Variants in MET observed in about 807,000 individuals in gnomAD.
MET encodes the protein MET proto-oncogene, receptor tyrosine kinase, also known as hepatocyte growth factor receptor.
A neutral mutation model predicts 133.1 loss-of-function variants in MET; 48 were observed. The ratio of observed to expected loss-of-function variants is 0.36; its 90% CI spans 0.29 to 0.46. The LOEUF (loss-of-function observed/expected upper bound fraction) is 0.46. MET is among the 20% of genes least tolerant of loss of function. MET has a pLI of 1.00. For synonymous variants in MET, 628 were observed against 616.5 expected (o/e 1.02, Z -0.28); for missense variants, 1,442 against 1,695.9 (o/e 0.85, Z 2.63).
intron 2 of MET, among the ~76,000 whole-genome samples, chr7:116,720,394 A>G (rs1373410581): frequency 1.7e-4 from 24 of 143,988 alleles, no homozygotes; most frequent in Non-Finnish European, 3.1e-4. Flanking sequence ...GGCTGAGACA[A>G]TGGGGTTTTC....
intron 1 of MET, among the ~76,000 whole-genome samples, chr7:116,674,875 G>A (rs995108743): frequency 4.6e-5 from 7 of 152,216 alleles, no homozygotes; most frequent in South Asian, 4.2e-4. Flanking sequence ...TTTCTTTTCC[G>A]TGGTCTAAAT....
At chr7:116,760,602 A>C (rs1214706525) in intron 10 of MET, among the ~76,000 whole-genome samples, 1 of 152,188 alleles carries the variant, frequency 6.6e-6, no homozygotes, top group Non-Finnish European at 1.5e-5. Context: ...GAATTACAGC[A>C]CTTCCTTTTA....
At chr7:116,695,735 C>A (rs752977785) in intron 1 of MET, 9 of 481,780 alleles carry the variant, frequency 1.9e-5, no homozygotes, top group Middle Eastern at 3.1e-4. Flanking sequence ...GATAATAATA[C>A]TTCCTTCTTC....
In MET at chr7:116,757,462, A is replaced by G. The variant is rs1794220984; in HGVS notation, c.1888A>G (p.Met630Val). The G allele has an allele frequency of 6.2e-7, 1 of 1,613,546 alleles. No homozygotes were observed. Among genetic ancestry groups the G allele is most frequent in the Non-Finnish European group, 8.5e-7 (1 of 1,179,898 alleles). Residue 630 changes from methionine (M) to valine (V), a missense_variant, in exon 7 of 21, where the codon ATG becomes GTG. Around this residue, in one of 6 missense-constraint regions of MET, gnomAD observed 762 missense variants for 792.4 expected, o/e 0.96. Transcript: ENST00000397752. ...ATTGAAATGCACAGTTGGTCCTGCC[A>G]TGAATAAGCATTTCAATATGTCCAT... ...NTLKCTVGPA[M>V]NKHFNMSIII... is the part of the protein sequence containing the mutation.
At chr7:116,720,668 C>A (rs1359341222) in intron 2 of MET, among the ~76,000 whole-genome samples, 5 of 135,160 alleles carry the variant, frequency 3.7e-5, no homozygotes, top group Non-Finnish European at 6.3e-5. Flanking sequence ...CCATCAATAC[C>A]TAATTTATTG....
rs757919874 is a variant in MET at position 116,758,439 on chromosome 7, C to T, written c.2103-20C>T. The stretch of plus-strand genomic sequence containing the variant: ...TATCTCTAATAGCTAAAATTCACTT[C>T]CTTAATTTTTTTTGTTCAGTGTGTC... On this transcript the variant is annotated intron_variant, in intron 8 of 20. Coordinates refer to ENST00000397752, the MANE Select transcript of MET (RefSeq NM_000245.4). 6.2e-7 allele frequency: 1 copy of T among 1,609,548 alleles called. No homozygotes were observed. Among genetic ancestry groups the T allele is most frequent in the Admixed American group, 1.7e-5 (1 of 59,944 alleles).
chr7:116,712,951 A>T (rs1373369191), intron 2 of MET, among the ~76,000 whole-genome samples: 1 of 152,158 alleles, frequency 6.6e-6, no homozygotes, highest in Non-Finnish European at 1.5e-5. Flanking sequence ...GGGTGATACC[A>T]TCTGTAAGAG....
chr7:116,775,137 T>C (rs2117032673), intron 15 of MET, 26 bp downstream of exon 15: 1 of 1,608,350 alleles, frequency 6.2e-7, no homozygotes, highest in Non-Finnish European at 8.5e-7. Flanking sequence ...CAGCTTTTTG[T>C]TAAATACGAT....
At chr7:116,742,173 C>T (rs1793483611) in intron 5 of MET, among the ~76,000 whole-genome samples, 1 of 152,116 alleles carries the variant, frequency 6.6e-6, no homozygotes, top group Non-Finnish European at 1.5e-5. Context: ...CAAGAACCAC[C>T]CCCAAGTGCA....
chr7:116,764,486 C>T (rs1054359147), intron 11 of MET, among the ~76,000 whole-genome samples: 8 of 151,800 alleles, frequency 5.3e-5, no homozygotes, highest in Admixed American at 5.2e-4. Context: ...TTGATGATAA[C>T]AAAGGTTTAT....
In MET at chr7:116,746,769, G is replaced by A. The variant is rs546594890; in HGVS notation, c.1701+5744G>A. Among the ~76,000 whole-genome samples, 332 of 150,374 alleles carry A rather than the reference G, an allele frequency of 2.2e-3. 4 individuals are homozygous for A. The South Asian group carries it at 0.043, about 19-fold the overall frequency. On this transcript the variant is annotated intron_variant, in intron 5 of 20. Transcript: ENST00000397752. The stretch of plus-strand genomic sequence containing the variant: ...CACAGGAAGGGGAATATCACACACC[G>A]GGGCCTGTTGTGGGGTCGGGGGAGG...
chr7:116,741,166 C>A, intron 5 of MET, 141 bp downstream of exon 5: 1 of 964,882 alleles, frequency 1.0e-6, no homozygotes, highest in Non-Finnish European at 1.5e-6. Flanking sequence ...ACTCATTTAG[C>A]TGTGAGTCAT....
chr7:116,784,598 A>G (rs756318657), intron 19 of MET, among the ~76,000 whole-genome samples: 16 of 152,138 alleles, frequency 1.1e-4, no homozygotes, highest in Admixed American at 2.6e-4. Flanking sequence ...TGAGAACTCT[A>G]TCACAAGAAC....
chr7:116,736,307 G>A (rs980734134), intron 3 of MET, among the ~76,000 whole-genome samples: 7 of 151,570 alleles, frequency 4.6e-5, no homozygotes, highest in African/African-American at 1.7e-4. Context: ...GCTAAGGGAT[G>A]TGGGGCTTCT....
At chr7:116,704,550 A>G (rs926303119) in intron 2 of MET, among the ~76,000 whole-genome samples, 2 of 152,116 alleles carry the variant, frequency 1.3e-5, no homozygotes, top group Non-Finnish European at 2.9e-5. Flanking sequence ...TTCTGGTTCT[A>G]TTGTTTACAA....
chr7:116,793,955 C>A (rs934223870), intron 19 of MET, among the ~76,000 whole-genome samples: 11 of 151,870 alleles, frequency 7.2e-5, no homozygotes, highest in Non-Finnish European at 1.3e-4. Context: ...GGCCCCACCC[C>A]CTCCACCCAA....
chr7:116,784,561 C>T (rs982657623), intron 19 of MET, among the ~76,000 whole-genome samples: 1 of 152,092 alleles, frequency 6.6e-6, no homozygotes, highest in African/African-American at 2.4e-5. Context: ...TGGGAAGTGC[C>T]ATGCACTTTT....
chr7:116,753,903 G>T (rs1794024348), intron 5 of MET, among the ~76,000 whole-genome samples: 1 of 152,122 alleles, frequency 6.6e-6, no homozygotes, highest in Non-Finnish European at 1.5e-5. Flanking sequence ...TTAGTGCCTG[G>T]TGCATAGGAG....
Position 116,796,001 on chromosome 7 carries a change from C to G in MET, c.4050C>G (p.Val1350=), listed in dbSNP as rs1795660296. Residue 1350 remains valine, a synonymous_variant, in exon 21 of 21, where the codon GTC becomes GTG. Coordinates refer to ENST00000397752, the MANE Select transcript of MET (RefSeq NM_000245.4). The part of the protein sequence containing the change: ...IFSTFIGEHY[V]HVNATYVNVK... ...CTACTTTCATTGGGGAGCACTATGT[C>G]CATGTGAACGCTACTTATGTGAACG... The G allele has an allele frequency of 6.2e-7, 1 of 1,613,866 alleles. No individual in the cohort carries two copies. Among genetic ancestry groups the G allele is most frequent in the South Asian group, 1.1e-5 (1 of 91,066 alleles).
Sources: gnomAD v4.1 joint callset for allele counts (sites outside exome capture counted in the v4.1 genomes callset) on GRCh38, gnomAD v4.1.1 for gene constraint, gnomAD v4.1.1 regional missense constraint, MANE v1.5 for transcripts, NCBI Gene and HGNC (gene_info 2026-07-23, HGNC 2026-07-21) for gene names.